PDIA5: variants seen among roughly 807,000 people sequenced by gnomAD.
PDIA5 encodes the protein protein disulfide isomerase family A member 5.
Under a neutral mutation model 77.6 loss-of-function variants are expected in PDIA5, and 58 were observed. The observed-to-expected ratio is 0.75, with a 90% CI of 0.61 to 0.93. The LOEUF (loss-of-function observed/expected upper bound fraction) is 0.93. PDIA5 is among the 40% of genes least tolerant of loss of function. The probability of loss-of-function intolerance (pLI) is 0.00; values close to 1 mark genes in which losing one functional copy is unlikely to be tolerated. For missense variants in PDIA5, 630 were observed against 647.7 expected, an observed-to-expected ratio of 0.97 and a Z score of 0.30; for synonymous variants, 250 against 252.1, an observed-to-expected ratio of 0.99 and a Z score of 0.08.
chr3:123,114,224 G>A (rs79493808), intron 7 of PDIA5, among the ~76,000 whole-genome samples: 6,446 of 152,320 alleles, frequency 0.042, 457 homozygotes, highest in African/African-American at 0.15. Flanking sequence ...GATGAATGTG[G>A]CCCAGTGGGG....
chr3:123,135,981 A>G (rs987821771), intron 11 of PDIA5, among the ~76,000 whole-genome samples: 4 of 150,162 alleles, frequency 2.7e-5, no homozygotes, highest in African/African-American at 9.8e-5. Flanking sequence ...CTTTTTTTAG[A>G]GACAGGGTCT....
intron 10 of PDIA5, among the ~76,000 whole-genome samples, chr3:123,125,940 C>T (rs1169121944): frequency 6.6e-6 from 1 of 152,146 alleles, no homozygotes; most frequent in Non-Finnish European, 1.5e-5. Context: ...CGTGTCCTCT[C>T]CTCTATCCAG....
At chr3:123,152,027 TCCTG>T (rs1413892797) in intron 14 of PDIA5, among the ~76,000 whole-genome samples, 74 of 136,784 alleles carry the variant, frequency 5.4e-4, no homozygotes, top group African/African-American at 2.0e-3. Context: ...CTGCCTTCCT[TCCTG>T]CCTGCCTTCC....
chr3:123,119,114 C>T (rs1431336525), intron 8 of PDIA5, among the ~76,000 whole-genome samples: 3 of 151,980 alleles, frequency 2.0e-5, no homozygotes, highest in Non-Finnish European at 4.4e-5. Flanking sequence ...TAGCTGGGTG[C>T]AATGGCATAC....
At chr3:123,076,468 T>C (rs1188283759) in intron 1 of PDIA5, among the ~76,000 whole-genome samples, 1 of 152,234 alleles carries the variant, frequency 6.6e-6, no homozygotes, top group Non-Finnish European at 1.5e-5. Flanking sequence ...TGCTACTCAC[T>C]GATGTTTTCT....
chr3:123,146,771 C>T (rs1242404924), intron 13 of PDIA5, among the ~76,000 whole-genome samples: 3 of 152,140 alleles, frequency 2.0e-5, no homozygotes, highest in African/African-American at 7.2e-5. Flanking sequence ...GGTGGCTCAA[C>T]AATATAATAT....
intron 10 of PDIA5, among the ~76,000 whole-genome samples, chr3:123,128,518 A>AT (rs1237530685): frequency 6.6e-6 from 1 of 151,332 alleles, no homozygotes; most frequent in Admixed American, 6.6e-5. Flanking sequence ...TTATTTTTTT[A>AT]TTTTTTTAGA....
chr3:123,123,493 A>T (rs573120519), intron 8 of PDIA5, among the ~76,000 whole-genome samples: 17 of 152,170 alleles, frequency 1.1e-4, no homozygotes, highest in Non-Finnish European at 2.4e-4. Flanking sequence ...CTCGTTTCTC[A>T]TGTTGTGTTA....
intron 3 of PDIA5, among the ~76,000 whole-genome samples, chr3:123,097,917 C>T (rs1353857048): frequency 6.6e-6 from 1 of 152,146 alleles, no homozygotes; most frequent in South Asian, 2.1e-4. Flanking sequence ...ATCAGCCTTC[C>T]TTCTGGTCTT....
chr3:123,111,054 TG>T, intron 7 of PDIA5, 50 bp downstream of exon 7: 1 of 1,034,314 alleles, frequency 9.7e-7, no homozygotes. Flanking sequence ...AGTCTCTTTG[TG>T]GGTGGGAGGC....
chr3:123,087,138 C>T (rs1319136325), intron 1 of PDIA5, among the ~76,000 whole-genome samples: 1 of 152,070 alleles, frequency 6.6e-6, no homozygotes, highest in Non-Finnish European at 1.5e-5. Context: ...CAACTGAAGA[C>T]TCATATCCTT....
chr3:123,098,749 C>T (rs1934508684), intron 3 of PDIA5, among the ~76,000 whole-genome samples: 1 of 152,172 alleles, frequency 6.6e-6, no homozygotes. Flanking sequence ...TCTTGCAGGA[C>T]AGGGGCCGGG....
At position 123,142,670 on chromosome 3, in the gene PDIA5, G is replaced by A. The variant is rs148090743; in HGVS notation, c.911-2852G>A. The stretch of plus-strand genomic sequence containing the variant: ...AAGAATATCTGCTGTGGAGAACAAG[G>A]CCAGGAACAGCCAGGCTGTCTTGCC... On this transcript the variant is annotated intron_variant, in intron 11 of 16. Coordinates refer to ENST00000316218, the MANE Select transcript of PDIA5 (RefSeq NM_006810.4). 6.7e-3 allele frequency among the ~76,000 whole-genome samples: 1,018 copies of A among 152,298 alleles called. 43 individuals are homozygous for A. Among genetic ancestry groups the A allele is most frequent in the Admixed American group, 0.062 (946 of 15,302 alleles).
chr3:123,150,549 C>T (rs562612850), intron 14 of PDIA5, among the ~76,000 whole-genome samples, 185 bp downstream of exon 14: 1 of 152,268 alleles, frequency 6.6e-6, no homozygotes, highest in East Asian at 1.9e-4. Flanking sequence ...CCAGGGCCTC[C>T]TTTTGTCAGA....
intron 8 of PDIA5, among the ~76,000 whole-genome samples, chr3:123,120,285 G>A (rs1935080774): frequency 2.0e-5 from 3 of 152,328 alleles, no homozygotes; most frequent in African/African-American, 7.2e-5. Flanking sequence ...AACCAGCTGG[G>A]AGATCTTGGT....
intron 3 of PDIA5, among the ~76,000 whole-genome samples, chr3:123,093,754 T>C (rs938562907): frequency 3.3e-5 from 5 of 152,336 alleles, no homozygotes; most frequent in Admixed American, 6.5e-5. Flanking sequence ...ACACAGACTA[T>C]ATGCATGGAG....
chr3:123,111,049 CTT>C, intron 7 of PDIA5, 45 bp downstream of exon 7: 2 of 1,056,936 alleles, frequency 1.9e-6, no homozygotes, highest in African/African-American at 1.6e-5. Flanking sequence ...TGTTTAGTCT[CTT>C]TGTGGGTGGG....
At chr3:123,072,369 G>A (rs1933744254) in intron 1 of PDIA5, among the ~76,000 whole-genome samples, 1 of 152,188 alleles carries the variant, frequency 6.6e-6, no homozygotes, top group Non-Finnish European at 1.5e-5. Context: ...ACAGCGCTTG[G>A]CACGTGAAAG....
chr3:123,134,966 G>T (rs1038620760), intron 11 of PDIA5, among the ~76,000 whole-genome samples: 1 of 152,164 alleles, frequency 6.6e-6, no homozygotes, highest in African/African-American at 2.4e-5. Context: ...GCAAGGCTTC[G>T]TGCCTGACCT....
Sources: allele counts gnomAD v4.1 joint callset (sites outside exome capture counted in the v4.1 genomes callset), GRCh38; gene constraint gnomAD v4.1.1; transcripts MANE v1.5; gene names NCBI Gene and HGNC (gene_info 2026-07-23, HGNC 2026-07-21).